LRRC7: variants seen among roughly 807,000 people sequenced by gnomAD.
LRRC7 encodes the protein leucine-rich repeat-containing protein 7.
Under a neutral mutation model 175.7 loss-of-function variants are expected in LRRC7, and 23 were observed. The observed-to-expected ratio is 0.13, with a 90% CI of 0.09 to 0.19. The LOEUF (loss-of-function observed/expected upper bound fraction) is 0.19, where lower values mean the gene tolerates loss of function less well. Ranked by LOEUF, LRRC7 falls within the 10% of genes least tolerant of loss-of-function variation. LRRC7 has a pLI of 1.00. For missense variants in LRRC7, 1,354 were observed against 1,904.7 expected (o/e 0.71, Z 5.38); for synonymous variants, 685 against 680.9 (o/e 1.01, Z -0.09).
At chr1:69,903,439 T>C (rs907134132) in intron 7 of LRRC7, among the ~76,000 whole-genome samples, 1 of 152,132 alleles carries the variant, frequency 6.6e-6, no homozygotes, top group Admixed American at 6.6e-5. Flanking sequence ...GACGGTGCAC[T>C]CTGGCCCAGA....
intron 7 of LRRC7, among the ~76,000 whole-genome samples, chr1:69,866,343 G>A (rs1449100348): frequency 6.6e-6 from 1 of 152,178 alleles, no homozygotes; most frequent in Non-Finnish European, 1.5e-5. Flanking sequence ...GGTGGAAGAG[G>A]ACTAGGGTCT....
intron 4 of LRRC7, among the ~76,000 whole-genome samples, chr1:69,820,443 C>T (rs149320250): frequency 0.013 from 2,004 of 152,120 alleles, 27 homozygotes; most frequent in Middle Eastern, 0.12. Flanking sequence ...TAGGTATACA[C>T]GTGCCATGGT....
At chr1:70,100,971 A>G (rs1335035877) in intron 25 of LRRC7, among the ~76,000 whole-genome samples, 1 of 152,184 alleles carries the variant, frequency 6.6e-6, no homozygotes, top group Non-Finnish European at 1.5e-5. Flanking sequence ...GGAGAGGAGC[A>G]CTATTGATAA....
At chr1:69,826,324 A>G (rs887270506) in intron 5 of LRRC7, among the ~76,000 whole-genome samples, 2 of 152,172 alleles carry the variant, frequency 1.3e-5, no homozygotes, top group African/African-American at 4.8e-5. Context: ...GAATAGGAGA[A>G]TGGAAGATAT....
At position 69,731,422 on chromosome 1, in the gene LRRC7, A is replaced by T. The variant is rs952010079; in HGVS notation, c.101-28769A>T. On this transcript the variant is annotated intron_variant, in intron 2 of 26. Transcript: ENST00000651989. ...TCCCACAATATGTGGGGATTATGGG[A>T]ACTACAATTCAAGATAAGATTTGGG... Among the ~76,000 whole-genome samples, 7 of 152,174 alleles carry T rather than the reference A, an allele frequency of 4.6e-5. 1 individual carries two copies. Among genetic ancestry groups the T allele is most frequent in the Non-Finnish European group, 8.8e-5 (6 of 68,028 alleles).
chr1:69,859,050 C>A (rs1190803640), intron 7 of LRRC7, among the ~76,000 whole-genome samples: 2 of 152,110 alleles, frequency 1.3e-5, no homozygotes, highest in Non-Finnish European at 2.9e-5. Context: ...TCACTCTTAA[C>A]CCCAGGTAAC....
intron 4 of LRRC7, among the ~76,000 whole-genome samples, chr1:69,798,636 C>G (rs1676086789): frequency 6.6e-6 from 1 of 152,090 alleles, no homozygotes; most frequent in Admixed American, 6.6e-5. Context: ...AGATTTCATA[C>G]TTTAGGGGTT....
At chr1:69,648,738 G>T (rs1314831837) in intron 1 of LRRC7, among the ~76,000 whole-genome samples, 1 of 152,068 alleles carries the variant, frequency 6.6e-6, no homozygotes, top group Non-Finnish European at 1.5e-5. Context: ...GCCCTCTCTT[G>T]GGCTTCTCAG....
chr1:69,898,303 C>A (rs919395203), intron 7 of LRRC7, among the ~76,000 whole-genome samples: 4 of 152,070 alleles, frequency 2.6e-5, no homozygotes, highest in Non-Finnish European at 4.4e-5. Flanking sequence ...GAAATTTAGA[C>A]CTAGAACTTT....
intron 1 of LRRC7, among the ~76,000 whole-genome samples, chr1:69,601,210 C>T (rs1345827552): frequency 6.6e-6 from 1 of 152,174 alleles, no homozygotes; most frequent in Non-Finnish European, 1.5e-5. Context: ...CAGGCCCTCT[C>T]CGCTGACAAA....
At chr1:69,858,648 G>A (rs1306678709) in intron 7 of LRRC7, among the ~76,000 whole-genome samples, 2 of 151,976 alleles carry the variant, frequency 1.3e-5, no homozygotes, top group Non-Finnish European at 2.9e-5. Context: ...CTTCACAGTG[G>A]CAGTTACACA....
intron 2 of LRRC7, among the ~76,000 whole-genome samples, chr1:69,733,976 A>G (rs1376442089): frequency 6.6e-6 from 1 of 152,002 alleles, no homozygotes; most frequent in East Asian, 1.9e-4. Context: ...TAGGAGTTTG[A>G]GTTGATGAGG....
At position 70,028,215 on chromosome 1, in the gene LRRC7, T is replaced by C. The variant is rs374414686; in HGVS notation, c.1839T>C (p.Asp613=). 53 of 1,613,648 alleles carry C rather than the reference T, an allele frequency of 3.3e-5. No individual in the cohort carries two copies. Among genetic ancestry groups the C allele is most frequent in the Admixed American group, 1.8e-4 (11 of 59,982 alleles). The change falls in exon 18 of 27, where the codon GAT becomes GAC. Residue 613 remains aspartate, a synonymous_variant. Coordinates refer to ENST00000651989, the MANE Select transcript of LRRC7 (RefSeq NM_001370785.2). Reference sequence around the variant, plus strand: ...GATATCCAACTCCTTACCCAGAGGATTTAAAGAATATGGTAAAATCTGTTC... The same window carrying C: ...GATATCCAACTCCTTACCCAGAGGACTTAAAGAATATGGTAAAATCTGTTC... ...LKRYPTPYPE[D]LKNMVKSVQN...
rs755856495 is a variant in LRRC7 at position 70,076,245 on chromosome 1, C to T, written c.4399C>T (p.Arg1467Trp). 13 of 1,613,948 alleles carry T rather than the reference C, an allele frequency of 8.1e-6. No homozygotes were observed. The highest frequency in any genetic ancestry group is 2.2e-5 in the East Asian group (1 of 44,880). Residue 1467 changes from arginine to tryptophan, a missense_variant, in exon 24 of 27, where the codon CGG becomes TGG. Physicochemically the swap from Arg to Trp is moderately radical, Grantham distance 101 (BLOSUM62 -3). Transcript: ENST00000651989. ...GGCCACCCGGGGACCTCAGCCTGGACGGTGCTTAATTCAAACTAAAGGGCA... is the reference window on the plus strand; with the variant it reads ...GGCCACCCGGGGACCTCAGCCTGGATGGTGCTTAATTCAAACTAAAGGGCA... ...SQATRGPQPG[R>W]CLIQTKGQRS...
chr1:69,636,233 G>A (rs762527961), intron 1 of LRRC7, among the ~76,000 whole-genome samples: 4 of 151,852 alleles, frequency 2.6e-5, no homozygotes, highest in Admixed American at 6.6e-5. Flanking sequence ...ATTCAGTTCC[G>A]TTCAATTCTA....
At chr1:70,045,177 A>G (rs1447791805) in intron 22 of LRRC7, among the ~76,000 whole-genome samples, 1 of 152,004 alleles carries the variant, frequency 6.6e-6, no homozygotes, top group Non-Finnish European at 1.5e-5. Flanking sequence ...GTAACTTTAA[A>G]AAAAAAAACA....
intron 26 of LRRC7, among the ~76,000 whole-genome samples, chr1:70,117,297 A>G (rs1273450727): frequency 6.6e-6 from 1 of 152,242 alleles, no homozygotes; most frequent in Non-Finnish European, 1.5e-5. Context: ...TAGGAAAATT[A>G]CAACATCATC....
Position 69,760,199 on chromosome 1 carries a change from C to T in LRRC7, c.109C>T (p.Leu37=), listed in dbSNP as rs1265364000. ...TTTCTGCGTTTCTCTAGTGCAGTGC[C>T]TGGAGATGACCACCAAACGGAAAAT... ...RKRPEEELQC[L]EMTTKRKIIG... Residue 37 remains leucine, a synonymous_variant, in exon 3 of 27, where the codon CTG becomes TTG. Transcript: ENST00000651989. 1.9e-6 allele frequency: 3 copies of T among 1,612,628 alleles called. No homozygotes were observed. The highest frequency in any genetic ancestry group is 3.3e-5 in the Admixed American group (2 of 59,824).
chr1:69,915,555 T>C lies in LRRC7; in HGVS notation c.648-15952T>C, dbSNP rs538070969. 2.6e-5 allele frequency among the ~76,000 whole-genome samples: 4 copies of C among 152,256 alleles called. No individual in the cohort carries two copies. The South Asian group carries it at 8.3e-4, about 32-fold the overall frequency. Reference sequence around the variant, plus strand: ...TAAACAGGAAGTAGTTTAAACTATTTCCATCTGTTAGAGATTCACAACGAA... The same window carrying C: ...TAAACAGGAAGTAGTTTAAACTATTCCCATCTGTTAGAGATTCACAACGAA... On this transcript the variant is annotated intron_variant, in intron 7 of 26. Coordinates refer to ENST00000651989, the MANE Select transcript of LRRC7 (RefSeq NM_001370785.2).
Sources: gnomAD v4.1 joint callset for allele counts (sites outside exome capture counted in the v4.1 genomes callset) on GRCh38, gnomAD v4.1.1 for gene constraint, MANE v1.5 for transcripts, NCBI Gene and HGNC (gene_info 2026-07-23, HGNC 2026-07-21) for gene names.